TMEM229B: variants seen among roughly 807,000 people sequenced by gnomAD.
TMEM229B encodes the protein chromosome 14 open reading frame 83.
In TMEM229B, 6 loss-of-function variants were observed where a neutral mutation model predicts 13.7. That is an observed-to-expected ratio of 0.44 (90% CI 0.24 to 0.86). The LOEUF (loss-of-function observed/expected upper bound fraction) is 0.86. Ranked by LOEUF, TMEM229B falls within the 40% of genes least tolerant of loss-of-function variation. The pLI, the probability that TMEM229B is intolerant of heterozygous loss-of-function variation, is 0.23. For synonymous variants in TMEM229B, 107 were observed against 102.1 expected (o/e 1.05, Z -0.29); for missense variants, 170 against 236.0 (o/e 0.72, Z 1.83).
chr14:67,532,863 T>C (rs553790537), intron 1 of TMEM229B, among the ~76,000 whole-genome samples: 1 of 152,238 alleles, frequency 6.6e-6, no homozygotes, highest in Non-Finnish European at 1.5e-5. Flanking sequence ...GGAGACGGTC[T>C]GGTCTTGTCC....
intron 2 of TMEM229B, among the ~76,000 whole-genome samples, 180 bp from the exon 3 acceptor site, chr14:67,474,121 C>T (rs1187372236): frequency 1.3e-5 from 2 of 152,090 alleles, no homozygotes; most frequent in African/African-American, 4.8e-5. Context: ...GCGTGGTGGC[C>T]CGCTCCTGTA....
chr14:67,489,730 C>G (rs1275289501), upstream of TMEM229B, among the ~76,000 whole-genome samples: 1 of 152,228 alleles, frequency 6.6e-6, no homozygotes, highest in Non-Finnish European at 1.5e-5. Context: ...GTGGCTCACG[C>G]CTGTAATCCC....
intron 1 of TMEM229B, among the ~76,000 whole-genome samples, chr14:67,501,535 A>T (rs1335916659): frequency 2.0e-5 from 3 of 151,906 alleles, no homozygotes; most frequent in Non-Finnish European, 4.4e-5. Context: ...CAGCCAAGAT[A>T]AATGATATTT....
intron 1 of TMEM229B, among the ~76,000 whole-genome samples, chr14:67,499,286 G>A (rs916647295): frequency 6.6e-6 from 1 of 152,170 alleles, no homozygotes; most frequent in African/African-American, 2.4e-5. Flanking sequence ...TTATAAGTAT[G>A]GGCCACTGTG....
At chr14:67,490,747 A>T (rs2032137015), upstream of TMEM229B, among the ~76,000 whole-genome samples, 1 of 152,126 alleles carries the variant, frequency 6.6e-6, no homozygotes. Flanking sequence ...GCCAGAAAGC[A>T]TGCAGGCAAA....
chr14:67,501,030 G>A (rs1222912997), intron 1 of TMEM229B, among the ~76,000 whole-genome samples: 3 of 142,474 alleles, frequency 2.1e-5, no homozygotes, highest in Non-Finnish European at 4.5e-5. Flanking sequence ...AATGCCTCCA[G>A]GTATACTTGG....
rs1006287296 is a variant in TMEM229B at position 67,472,015 on chromosome 14, A to G, written c.*1405T>C. 1 of 152,456 alleles carries G rather than the reference A, an allele frequency of 6.6e-6. No homozygotes were observed. The highest frequency in any genetic ancestry group is 1.5e-5 in the Non-Finnish European group (1 of 68,096). The allele number at this position is 152,456 out of a possible 1,614,324, so 9.4% of individuals were successfully genotyped here. Reference sequence around the variant, plus strand: ...GTATTTCACCTGTCCACTGCCAGCAATGGACCTGTCACAGGACAAAGTGGG... The same window carrying G: ...GTATTTCACCTGTCCACTGCCAGCAGTGGACCTGTCACAGGACAAAGTGGG... On this transcript the variant is annotated 3_prime_UTR_variant, in exon 3 of 3. Coordinates refer to ENST00000554480, the MANE Select transcript of TMEM229B (RefSeq NM_001348543.2).
chr14:67,491,799 A>G (rs1449846388), upstream of TMEM229B, among the ~76,000 whole-genome samples: 1 of 152,212 alleles, frequency 6.6e-6, no homozygotes, highest in African/African-American at 2.4e-5. Context: ...GGAGGGGCCA[A>G]GCTCAACTAC....
chr14:67,486,575 T>A (rs2031894967), intron 2 of TMEM229B, among the ~76,000 whole-genome samples: 1 of 152,166 alleles, frequency 6.6e-6, no homozygotes, highest in South Asian at 2.1e-4. Flanking sequence ...GCCCGGCTGA[T>A]CTGATGGTTT....
intron 1 of TMEM229B, among the ~76,000 whole-genome samples, chr14:67,521,898 C>T (rs987558564): frequency 3.9e-5 from 6 of 152,118 alleles, no homozygotes; most frequent in Non-Finnish European, 8.8e-5. Context: ...GGGATTAAGC[C>T]GGGCACGGTG....
At chr14:67,491,997 A>C (rs529942445), upstream of TMEM229B, among the ~76,000 whole-genome samples, 10 of 152,210 alleles carry the variant, frequency 6.6e-5, no homozygotes, top group East Asian at 1.7e-3. Context: ...TGAGCTTGGA[A>C]GCTGCATTGC....
rs1200124125 is a variant in TMEM229B at position 67,471,958 on chromosome 14, TGA to T, written c.*1460_*1461del. ...CTAACGGACCCTTCCCCTTGAGGAG[TGA>T]GAGTCAGAGCCGGAAGTAGGCTGGA... On this transcript the variant is annotated 3_prime_UTR_variant, in exon 3 of 3. Transcript: ENST00000554480. 6.6e-6 allele frequency: 1 copy of T among 151,970 alleles called. No individual in the cohort carries two copies. 9.4% of individuals were successfully genotyped at this position (151,970 alleles called of 1,614,324 possible). A position where few individuals can be genotyped will look rare whatever the true frequency, so the allele number is the denominator to read the frequency against.
rs2030780893 is a variant in TMEM229B at position 67,472,183 on chromosome 14, C to G, written c.*1237G>C. 1.3e-5 allele frequency: 2 copies of G among 152,238 alleles called. No individual in the cohort carries two copies. Among genetic ancestry groups the G allele is most frequent in the South Asian group, 4.1e-4 (2 of 4,836 alleles). 9.4% of individuals were successfully genotyped at this position (152,238 alleles called of 1,614,324 possible). ...TCTGCTACCAGGGCTGAGGCTCTGG[C>G]AGAACCAGAACTGATACCCTCCCAC... On this transcript the variant is annotated 3_prime_UTR_variant, in exon 3 of 3. Coordinates refer to ENST00000554480, the MANE Select transcript of TMEM229B (RefSeq NM_001348543.2).
intron 1 of TMEM229B, among the ~76,000 whole-genome samples, chr14:67,512,667 A>T (rs1455613897): frequency 1.3e-5 from 2 of 152,210 alleles, no homozygotes; most frequent in South Asian, 2.1e-4. Context: ...GCCTCACTCT[A>T]CTGCCCTTAC....
At chr14:67,527,653 T>G (rs891639839) in intron 1 of TMEM229B, among the ~76,000 whole-genome samples, 1 of 152,190 alleles carries the variant, frequency 6.6e-6, no homozygotes, top group Non-Finnish European at 1.5e-5. Flanking sequence ...AAACCAACAA[T>G]GTGTTTTGTA....
rs143699465 is a variant in TMEM229B, at chr14:67,473,637, C to A, written c.287G>T (p.Arg96Leu). 3 of 1,583,748 alleles carry A rather than the reference C, an allele frequency of 1.9e-6. No homozygotes were observed. The African/African-American group carries it at 4.0e-5, about 21-fold the overall frequency. Residue 96 changes from arginine to leucine, a missense_variant, in exon 3 of 3, where the codon CGC (arginine) becomes CTC (leucine). Coordinates refer to ENST00000554480, the MANE Select transcript of TMEM229B (RefSeq NM_001348543.2). The surrounding 1 kb of genome is among the most constrained non-coding windows in gnomAD (Gnocchi z 6.5). ...LWEFTTGFIL[R>L]QFNACPWDYS... The stretch of plus-strand genomic sequence containing the variant: ...GTCCCAGGGGCAGGCGTTGAACTGG[C>A]GCAGGATGAAGCCGGTGGTGAACTC...
rs12588861 is a variant in TMEM229B at position 67,529,770 on chromosome 14, C to G, written c.-192+3866G>C. On this transcript the variant is annotated intron_variant, in intron 1 of 2. Transcript: ENST00000554278. ...AAGAGCCAAATTGCTCCCAAAGATTCAGCAGTAGAAGTAACCTCCTGACTT... is the reference window on the plus strand; with the variant it reads ...AAGAGCCAAATTGCTCCCAAAGATTGAGCAGTAGAAGTAACCTCCTGACTT... Among the ~76,000 whole-genome samples the G allele has an allele frequency of 4.5e-3, 684 of 152,298 alleles. 21 individuals are homozygous for G. In the East Asian group the frequency reaches 0.065, roughly 14 times the overall value.
At chr14:67,528,145 C>G (rs2033395405) in intron 1 of TMEM229B, among the ~76,000 whole-genome samples, 1 of 152,190 alleles carries the variant, frequency 6.6e-6, no homozygotes, top group Non-Finnish European at 1.5e-5. Context: ...ACTTTCCTTT[C>G]TCTTGGCTTG....
At chr14:67,515,871 C>T (rs886496121), upstream of TMEM229B, among the ~76,000 whole-genome samples, 4 of 152,210 alleles carry the variant, frequency 2.6e-5, no homozygotes, top group African/African-American at 9.6e-5. Flanking sequence ...CATGTAAGGT[C>T]ATTTGTTTAT....
Sources: gnomAD v4.1 joint callset for allele counts (sites outside exome capture counted in the v4.1 genomes callset) on GRCh38, gnomAD v4.1.1 for gene constraint, Gnocchi (gnomAD v3.1) non-coding constraint, MANE v1.5 for transcripts, NCBI Gene and HGNC (gene_info 2026-07-23, HGNC 2026-07-21) for gene names.